IL1RAPL1: variants seen among roughly 807,000 people sequenced by gnomAD.
The protein encoded by IL1RAPL1 is interleukin-1 receptor accessory protein-like 1.
In IL1RAPL1, 3 loss-of-function variants were observed where a neutral mutation model predicts 48.4. The observed-to-expected ratio is 0.06, with a 90% CI of 0.03 to 0.16. The LOEUF is 0.16. IL1RAPL1 is among the 10% of genes least tolerant of loss of function. The pLI, the probability that IL1RAPL1 is intolerant of heterozygous loss-of-function variation, is 1.00. For synonymous variants in IL1RAPL1, 185 were observed against 187.7 expected (o/e 0.99, Z 0.12); for missense variants, 349 against 530.6 (o/e 0.66, Z 3.36).
intron 2 of IL1RAPL1, among the ~76,000 whole-genome samples, chrX:28,874,807 T>A (rs947866617): frequency 1.8e-5 from 2 of 112,311 alleles, no homozygotes. Context: ...TGCTGGCTTG[T>A]GTTACATTTG....
chrX:29,455,218 C>T (rs1934725721), intron 5 of IL1RAPL1, among the ~76,000 whole-genome samples: 1 of 110,966 alleles, frequency 9.0e-6, no homozygotes, highest in East Asian at 2.8e-4. Flanking sequence ...TATCCTGGAA[C>T]TTAAAATTTT....
intron 1 of IL1RAPL1, among the ~76,000 whole-genome samples, chrX:28,775,680 C>A (rs1457315355): frequency 1.8e-5 from 2 of 112,893 alleles, no homozygotes; most frequent in Non-Finnish European, 3.8e-5. Context: ...GTTAATAAGC[C>A]TTTACATGAA....
intron 2 of IL1RAPL1, among the ~76,000 whole-genome samples, chrX:28,937,965 A>G (rs1030340850): frequency 1.8e-5 from 2 of 111,229 alleles, no homozygotes; most frequent in African/African-American, 3.3e-5. Context: ...AACTAGTGAC[A>G]TGAAAGATCT....
At chrX:28,895,377 G>T (rs1399588524) in intron 2 of IL1RAPL1, among the ~76,000 whole-genome samples, 4 of 108,177 alleles carry the variant, frequency 3.7e-5, no homozygotes, top group African/African-American at 1.4e-4. Flanking sequence ...ATTGAGGGGG[G>T]TAAGGGTGAT....
chrX:29,047,728 C>T (rs1418379922), intron 2 of IL1RAPL1, among the ~76,000 whole-genome samples: 2 of 98,798 alleles, frequency 2.0e-5, no homozygotes, highest in African/African-American at 3.8e-5. Context: ...TAAATTCAAC[C>T]TTTTTTTTTT....
In IL1RAPL1 at chrX:29,374,281, G is replaced by C. The variant is rs778544311; in HGVS notation, c.363-21977G>C. On this transcript the variant is annotated intron_variant, in intron 3 of 10. Transcript: ENST00000378993. ...ATCTGATCCAGGGCTTTTTCTGGTT[G>C]GTTGCTTTTTTTTTTTTTTTTTTTT... 8.3e-5 allele frequency among the ~76,000 whole-genome samples: 3 copies of C among 36,356 alleles called. No individual in the cohort carries two copies. The East Asian group carries it at 3.0e-3, about 37-fold the overall frequency. The allele number at this position is 36,356 out of a possible 115,157, so 31.6% of individuals were successfully genotyped here.
Position 29,955,548 on chromosome X carries a change from C to A in IL1RAPL1, c.1819C>A (p.Leu607Ile), listed in dbSNP as rs1181540497. The A allele has an allele frequency of 1.7e-6, 2 of 1,208,090 alleles. No homozygotes were observed. The highest frequency in any genetic ancestry group is 2.2e-6 in the Non-Finnish European group (2 of 893,509). ...STALATAHPD[L>I]RSTFHNTYHS... is the part of the protein sequence containing the mutation. ...AGCTCTAGCCACTGCCCATCCAGAT[C>A]TCCGTTCTACCTTTCACAACACGTA... The change falls in exon 11 of 11, where the codon CTC (leucine) becomes ATC (isoleucine). Residue 607 changes from leucine (L) to isoleucine (I), a missense_variant. Leu to Ile is a conservative substitution (Grantham distance 5, BLOSUM62 2). Transcript: ENST00000378993.
At chrX:29,345,621 A>G (rs758240531) in intron 3 of IL1RAPL1, among the ~76,000 whole-genome samples, 1 of 111,564 alleles carries the variant, frequency 9.0e-6, no homozygotes, top group South Asian at 3.8e-4. Flanking sequence ...TTAAATGTTT[A>G]CAGGTTAAAT....
At chrX:29,309,088 C>G (rs1282415498) in intron 3 of IL1RAPL1, among the ~76,000 whole-genome samples, 3 of 112,567 alleles carry the variant, frequency 2.7e-5, no homozygotes, top group Non-Finnish European at 5.6e-5. Context: ...TTGTATCTAA[C>G]TTTGCAATCT....
intron 2 of IL1RAPL1, among the ~76,000 whole-genome samples, chrX:29,160,883 G>A (rs1046231836): frequency 9.0e-6 from 1 of 111,716 alleles, no homozygotes; most frequent in African/African-American, 3.3e-5. Context: ...GTGAAACCCT[G>A]TCTCTACTAA....
At chrX:29,032,768 CACAT>C (rs1247281081) in intron 2 of IL1RAPL1, among the ~76,000 whole-genome samples, 3 of 112,710 alleles carry the variant, frequency 2.7e-5, no homozygotes, top group East Asian at 2.8e-4. Context: ...CACACACACA[CACAT>C]ACAGAGACAC....
intron 1 of IL1RAPL1, among the ~76,000 whole-genome samples, chrX:28,686,272 TAAAC>T (rs1050282884): frequency 2.1e-4 from 24 of 112,099 alleles, no homozygotes; most frequent in Non-Finnish European, 3.9e-4. Flanking sequence ...ATTTAAAACA[TAAAC>T]AAAATTTTAA....
chrX:29,165,234 G>T (rs1202718384), intron 2 of IL1RAPL1, among the ~76,000 whole-genome samples: 11 of 111,795 alleles, frequency 9.8e-5, no homozygotes, highest in Non-Finnish European at 2.1e-4. Flanking sequence ...CAGGAGAATC[G>T]CTTGAACCTA....
intron 5 of IL1RAPL1, among the ~76,000 whole-genome samples, chrX:29,434,490 A>G (rs1255525004): frequency 9.0e-6 from 1 of 110,939 alleles, no homozygotes; most frequent in African/African-American, 3.3e-5. Flanking sequence ...ATGTGAAGTA[A>G]TACTTCTTTT....
intron 2 of IL1RAPL1, among the ~76,000 whole-genome samples, chrX:29,257,263 A>AT (rs988444499): frequency 2.7e-5 from 3 of 109,952 alleles, no homozygotes; most frequent in African/African-American, 6.6e-5. Context: ...GCCATAAGTA[A>AT]TTTTTTTTTG....
chrX:29,382,016 G>A (rs991747620), intron 3 of IL1RAPL1, among the ~76,000 whole-genome samples: 2 of 108,716 alleles, frequency 1.8e-5, no homozygotes, highest in African/African-American at 6.7e-5. Context: ...CATTGTAATA[G>A]CTTTTGTAAA....
intron 1 of IL1RAPL1, among the ~76,000 whole-genome samples, chrX:28,687,699 A>T (rs751254423): frequency 9.1e-6 from 1 of 109,712 alleles, no homozygotes; most frequent in Non-Finnish European, 1.9e-5. Context: ...GGAGAATGGC[A>T]TGAACCCGGG....
chrX:28,701,256 T>C (rs1236681844), intron 1 of IL1RAPL1, among the ~76,000 whole-genome samples: 1 of 111,904 alleles, frequency 8.9e-6, no homozygotes, highest in Non-Finnish European at 1.9e-5. Flanking sequence ...TTTGCCCCAT[T>C]TGGACCTTAT....
chrX:29,514,606 G>A lies in IL1RAPL1; in HGVS notation c.703+115298G>A, dbSNP rs771410519. Among the ~76,000 whole-genome samples the A allele has an allele frequency of 1.7e-4, 19 of 111,567 alleles. No homozygotes were observed. The South Asian group carries it at 4.1e-3, about 24-fold the overall frequency. On this transcript the variant is annotated intron_variant, in intron 5 of 10. Coordinates refer to ENST00000378993, the MANE Select transcript of IL1RAPL1 (RefSeq NM_014271.4). ...TGGGATCACAGGTGCGCACCACCAC[G>A]CCCGGCTAATTTTTGTGTTTTTAGT...
Sources: allele counts gnomAD v4.1 joint callset (sites outside exome capture counted in the v4.1 genomes callset), GRCh38; gene constraint gnomAD v4.1.1; transcripts MANE v1.5; gene names NCBI Gene and HGNC (gene_info 2026-07-23, HGNC 2026-07-21).